The following PKP3 variants were observed in gnomAD, a reference collection of about 807,000 sequenced individuals.
PKP3 encodes the protein plakophilin-3.
Under a neutral mutation model 76.5 loss-of-function variants are expected in PKP3, and 66 were observed. That is an observed-to-expected ratio of 0.86 (90% confidence interval 0.71 to 1.06). The LOEUF is 1.06. Among genes scored for constraint, PKP3 ranks in the 50% least tolerant of loss-of-function variants. The pLI, the probability that PKP3 is intolerant of heterozygous loss-of-function variation, is 0.00. For synonymous variants in PKP3, 638 were observed against 516.5 expected, an observed-to-expected ratio of 1.24 and a Z score of -3.19; for missense variants, 1,338 against 1,141.0, an observed-to-expected ratio of 1.17 and a Z score of -2.49.
Position 400,543 on chromosome 11 carries a change from G to GA in PKP3, c.1577dup (p.Asn526LysfsTer162). 1 of 1,494,504 alleles carries GA rather than the reference G, an allele frequency of 6.7e-7. No individual in the cohort carries two copies. The highest frequency in any genetic ancestry group is 8.9e-7 in the Non-Finnish European group (1 of 1,129,106). The allele number at this position is 1,494,504 out of a possible 1,614,324, so 92.6% of individuals were successfully genotyped here. On this transcript the variant is annotated frameshift_variant, in exon 8 of 13. Coordinates refer to ENST00000331563, the MANE Select transcript of PKP3 (RefSeq NM_007183.4). LOFTEE classifies it high-confidence loss of function. ...CGCGCCCCCGCCCGCAGAGCGTGGAGAACGCGGTGTGCGTCCTGCGGAACC... is the reference window on the plus strand; with the variant it reads ...CGCGCCCCCGCCCGCAGAGCGTGGAGAAACGCGGTGTGCGTCCTGCGGAACC...
chr11:399,080 G>T lies in PKP3; in HGVS notation c.1157G>T (p.Arg386Leu), dbSNP rs760415848. The change falls in exon 5 of 13, where the codon CGC (arginine) becomes CTC (leucine). Residue 386 changes from arginine to leucine, a missense_variant. Physicochemically the swap from Arg to Leu is moderately radical, Grantham distance 102 (BLOSUM62 -2). Coordinates refer to ENST00000331563, the MANE Select transcript of PKP3 (RefSeq NM_007183.4). ...CAGCGCCATGCCACAGGTGCCATGCGCAACCTCATCTACGACAACGCTGAC... is the reference window on the plus strand; with the variant it reads ...CAGCGCCATGCCACAGGTGCCATGCTCAACCTCATCTACGACAACGCTGAC... ...EVQRHATGAM[R>L]NLIYDNADNK... The T allele has an allele frequency of 6.2e-7, 1 of 1,611,680 alleles. No homozygotes were observed. Among genetic ancestry groups the T allele is most frequent in the South Asian group, 1.1e-5 (1 of 91,058 alleles).
chr11:403,549 T>G, intron 9 of PKP3, 69 bp from the exon 10 acceptor site: 1 of 1,492,222 alleles, frequency 6.7e-7, no homozygotes, highest in Non-Finnish European at 9.1e-7. Context: ...GCGACCCCAT[T>G]GTGGCAGGAC....
At chr11:403,509 A>G in intron 9 of PKP3, 109 bp from the exon 10 acceptor site, 1 of 1,111,462 alleles carries the variant, frequency 9.0e-7, no homozygotes, top group South Asian at 1.5e-5. Context: ...GCAGAAGCAG[A>G]GGCCCCCCTG....
chr11:396,922 A>G lies in PKP3; in HGVS notation c.421A>G (p.Ser141Gly). 3.1e-6 allele frequency: 5 copies of G among 1,595,490 alleles called. No individual in the cohort carries two copies. The highest frequency in any genetic ancestry group is 4.3e-6 in the Non-Finnish European group (5 of 1,174,718). Residue 141 changes from serine (S) to glycine (G), a missense_variant, in exon 3 of 13, where the codon AGC becomes GGC. Coordinates refer to ENST00000331563, the MANE Select transcript of PKP3 (RefSeq NM_007183.4). ...RRLSSAHNGG[S>G]AFGAAGYGGA... The stretch of plus-strand genomic sequence containing the variant: ...GCTGAGTTCAGCCCACAACGGGGGC[A>G]GCGCCTTTGGGGCCGCTGGGTACGG...
rs116633466 is a variant in PKP3 at position 403,749 on chromosome 11, C to A, written c.2055C>A (p.Asn685Lys). ...GCCTCATCCGAAACCTGTCTCGGAACGCTAGGAACAAGGACGAGATGTGTG... is the reference window on the plus strand; with the variant it reads ...GCCTCATCCGAAACCTGTCTCGGAAAGCTAGGAACAAGGACGAGATGTGTG... ...LTGLIRNLSR[N>K]ARNKDEMSTK... Residue 685 changes from asparagine (N) to lysine (K), a missense_variant, in exon 10 of 13, where the codon AAC becomes AAA. Coordinates refer to ENST00000331563, the MANE Select transcript of PKP3 (RefSeq NM_007183.4). 3 of 1,608,108 alleles carry A rather than the reference C, an allele frequency of 1.9e-6. No individual in the cohort carries two copies. The highest frequency in any genetic ancestry group is 4.5e-5 in the East Asian group (2 of 44,882).
chr11:400,735 T>C, intron 8 of PKP3, 30 bp downstream of exon 8: 2 of 1,180,956 alleles, frequency 1.7e-6, no homozygotes, highest in Non-Finnish European at 1.1e-6. Flanking sequence ...GGGCGTGGGG[T>C]GGGTGCTGCG....
Position 400,026 on chromosome 11 carries a change from C to A in PKP3, c.1333C>A (p.Leu445Met), listed in dbSNP as rs760190570. ...GAAGGACCGCCTGGCCAGAGACACG[C>A]TGGAGCAGCTCACAGACCTGGTGTT... ...HLKDRLARDT[L>M]EQLTDLVLSP... is the part of the protein sequence containing the mutation. Residue 445 changes from leucine to methionine, a missense_variant, in exon 6 of 13, where the codon CTG becomes ATG. Leu to Met is a conservative substitution (Grantham distance 15, BLOSUM62 2). Coordinates refer to ENST00000331563, the MANE Select transcript of PKP3 (RefSeq NM_007183.4). 1 of 1,608,198 alleles carries A rather than the reference C, an allele frequency of 6.2e-7. No individual in the cohort carries two copies. The highest frequency in any genetic ancestry group is 1.1e-5 in the South Asian group (1 of 90,366).
In PKP3 at chr11:400,562, C is replaced by T. The variant is rs775577365; in HGVS notation, c.1594C>T (p.Arg532Trp). 4 of 1,495,346 alleles carry T rather than the reference C, an allele frequency of 2.7e-6. No individual in the cohort carries two copies. Among genetic ancestry groups the T allele is most frequent in the African/African-American group, 1.4e-5 (1 of 69,140 alleles). 92.6% of individuals were successfully genotyped at this position (1,495,346 alleles called of 1,614,324 possible). Residue 532 changes from arginine (R) to tryptophan (W), a missense_variant, in exon 8 of 13, where the codon CGG becomes TGG. Coordinates refer to ENST00000331563, the MANE Select transcript of PKP3 (RefSeq NM_007183.4). ...KSVENAVCVL[R>W]NLSYRLYDEM... ...CGTGGAGAACGCGGTGTGCGTCCTG[C>T]GGAACCTGTCCTACCGCCTCTACGA...
rs1358927290 is a variant in PKP3, at chr11:396,511, C to T, written c.233-97C>T. 9 of 841,544 alleles carry T rather than the reference C, an allele frequency of 1.1e-5. No individual in the cohort carries two copies. The East Asian group carries it at 1.1e-4, about 10-fold the overall frequency. The allele number at this position is 841,544 out of a possible 1,614,324, so 52.1% of individuals were successfully genotyped here. A position where few individuals can be genotyped will look rare whatever the true frequency, so the allele number is the denominator to read the frequency against. The stretch of plus-strand genomic sequence containing the variant: ...TCCCTGCCCTGGATTGGAGGCTGCT[C>T]CTAGGGTTGCCAATAGCGATGGAGT... On this transcript the variant is annotated intron_variant, in intron 1 of 12. Transcript: ENST00000331563.
chr11:403,966 A>G lies in PKP3; in HGVS notation c.2101A>G (p.Ile701Val). 6.2e-7 allele frequency: 1 copy of G among 1,605,288 alleles called. No individual in the cohort carries two copies. Among genetic ancestry groups the G allele is most frequent in the African/African-American group, 1.3e-5 (1 of 74,912 alleles). The change falls in exon 11 of 13, where the codon ATC (isoleucine) becomes GTC (valine). Residue 701 changes from isoleucine (I) to valine (V), a missense_variant. Transcript: ENST00000331563. ...AGCCACGAAGGTGGTGAGCCACCTG[A>G]TCGAGAAGCTGCCGGGCAGCGTGGG... ...EMSTKVVSHL[I>V]EKLPGSVGEK...
At position 403,785 on chromosome 11, in the gene PKP3, C is replaced by T. The variant is rs1458556933; in HGVS notation, c.2077+14C>T. On this transcript the variant is annotated intron_variant, in intron 10 of 12. Coordinates refer to ENST00000331563, the MANE Select transcript of PKP3 (RefSeq NM_007183.4). ...AGGACGAGATGTGTGAGTCGGGCAG[C>T]CCCTCGTCCCTGCCCTGCTGGACCC... 3 of 1,603,732 alleles carry T rather than the reference C, an allele frequency of 1.9e-6. No homozygotes were observed. Among genetic ancestry groups the T allele is most frequent in the Middle Eastern group, 1.6e-4 (1 of 6,080 alleles).
chr11:393,754 C>T (rs1277275359), upstream of PKP3, among the ~76,000 whole-genome samples: 1 of 152,136 alleles, frequency 6.6e-6, no homozygotes, highest in African/African-American at 2.4e-5. Context: ...CTCATCCCCA[C>T]CTCACCAGGA....
rs1177162428 is a variant in PKP3, at chr11:397,669, AC to A, written c.1068+11del. 5 of 1,608,028 alleles carry A rather than the reference AC, an allele frequency of 3.1e-6. No individual in the cohort carries two copies. In the Admixed American group the frequency reaches 5.0e-5, roughly 16 times the overall value. Reference sequence around the variant, plus strand: ...TGCAGCCGCCAAGAAGCAGGTGACCACCCCGACCACCCACTCGCTGCCCCCT... The same window carrying A: ...TGCAGCCGCCAAGAAGCAGGTGACCACCCGACCACCCACTCGCTGCCCCCT... On this transcript the variant is annotated splice_region_variant and intron_variant, in intron 4 of 12. Coordinates refer to ENST00000331563, the MANE Select transcript of PKP3 (RefSeq NM_007183.4).
Position 400,614 on chromosome 11 carries a change from GGCTGGAGGGTCGCGGCC to G in PKP3, c.1649_1665del (p.Leu550GlnfsTer132), listed in dbSNP as rs1345760104. ...GAGATGCCGCCGTCCGCGCTGCAGC[GGCTGGAGGGTCGCGGCC>G]GCAGGGACCTGGCGGGGGCGCCGCC... On this transcript the variant is annotated frameshift_variant, in exon 8 of 13. Transcript: ENST00000331563. LOFTEE classifies it high-confidence loss of function. 3.5e-6 allele frequency: 5 copies of G among 1,436,102 alleles called. No homozygotes were observed. In the Admixed American group the frequency reaches 1.6e-4, roughly 45 times the overall value. The allele number at this position is 1,436,102 out of a possible 1,614,324, so 89.0% of individuals were successfully genotyped here. A position where few individuals can be genotyped will look rare whatever the true frequency, so the allele number is the denominator to read the frequency against.
Position 403,084 on chromosome 11 carries a change from C to G in PKP3, c.1744C>G (p.Leu582Val). Residue 582 changes from leucine to valine, a missense_variant, in exon 9 of 13, where the codon CTC becomes GTC. Leu to Val is a conservative substitution (Grantham distance 32). Coordinates refer to ENST00000331563, the MANE Select transcript of PKP3 (RefSeq NM_007183.4). ...TCCTCCCCGCCCTGCGCAGCTGCCC[C>G]TCGCCGCCGATGCGCTCACCTTCGC... ...PQSRRLRELP[L>V]AADALTFAEV... The G allele has an allele frequency of 1.3e-6, 2 of 1,503,566 alleles. No individual in the cohort carries two copies. Among genetic ancestry groups the G allele is most frequent in the Non-Finnish European group, 1.8e-6 (2 of 1,127,966 alleles). The allele number at this position is 1,503,566 out of a possible 1,614,324, so 93.1% of individuals were successfully genotyped here. A position where few individuals can be genotyped will look rare whatever the true frequency, so the allele number is the denominator to read the frequency against.
Position 397,298 on chromosome 11 carries a change from C to T in PKP3, c.797C>T (p.Ala266Val), listed in dbSNP as rs940775404. Residue 266 changes from alanine (A) to valine (V), a missense_variant, in exon 3 of 13, where the codon GCA becomes GTA. Coordinates refer to ENST00000331563, the MANE Select transcript of PKP3 (RefSeq NM_007183.4). ...SSHRSRGVGG[A>V]VPGAVLEPVA... ...CACCGGAGCCGCGGGGTAGGCGGGG[C>T]AGTGCCGGGGGCCGTCCTGGAGCCA... 2.5e-6 allele frequency: 4 copies of T among 1,592,514 alleles called. No individual in the cohort carries two copies. Among genetic ancestry groups the T allele is most frequent in the African/African-American group, 2.7e-5 (2 of 74,550 alleles).
upstream of PKP3, among the ~76,000 whole-genome samples, chr11:393,212 A>G (rs10902155): frequency 0.79 from 120,043 of 151,168 alleles, 48,718 homozygotes; most frequent in East Asian, 1. Context: ...TGCTTGGTCC[A>G]GGGCCCCCCC....
upstream of PKP3, chr11:393,473 C>T (rs1847002210): frequency 6.6e-6 from 1 of 152,096 alleles, no homozygotes; most frequent in Non-Finnish European, 1.5e-5. Flanking sequence ...GCAGTGGTGC[C>T]AGGGTCCCAG....
intron 4 of PKP3, among the ~76,000 whole-genome samples, chr11:398,140 T>TC (rs1416733416): frequency 3.8e-4 from 19 of 50,046 alleles, no homozygotes; most frequent in Admixed American, 5.0e-4. Flanking sequence ...CACATATACC[T>TC]CATCACCTCC....
Sources: allele counts gnomAD v4.1 joint callset (sites outside exome capture counted in the v4.1 genomes callset), GRCh38; gene constraint gnomAD v4.1.1; transcripts MANE v1.5; gene names NCBI Gene and HGNC (gene_info 2026-07-23, HGNC 2026-07-21).